Variants in DHRS7 observed in about 807,000 individuals in gnomAD.
DHRS7 encodes the protein dehydrogenase/reductase SDR family member 7.
In DHRS7, 34 loss-of-function variants were observed where a neutral mutation model predicts 38.9. The observed-to-expected ratio is 0.87, with a 90% confidence interval of 0.66 to 1.16. The LOEUF (loss-of-function observed/expected upper bound fraction) is 1.16. Among genes scored for constraint, DHRS7 ranks in the 50% most tolerant of loss-of-function variants. The pLI is 0.00. For synonymous variants in DHRS7, 158 were observed against 153.1 expected, an observed-to-expected ratio of 1.03 and a Z score of -0.24; for missense variants, 421 against 407.0, an observed-to-expected ratio of 1.03 and a Z score of -0.30.
Position 60,148,478 on chromosome 14 carries a change from T to TAATA in DHRS7, c.972+871_972+874dup, listed in dbSNP as rs1420826508. Reference sequence around the variant, plus strand: ...AGGGTCACAATTTCTCAGAAATGGTTAATAGTATTCCCTGACTAATTGCTA... The same window carrying TAATA: ...AGGGTCACAATTTCTCAGAAATGGTTAATAAATAGTATTCCCTGACTAATTGCTA... On this transcript the variant is annotated intron_variant, in intron 6 of 6. Transcript: ENST00000557185. This position sits in a 1 kb window ranked among gnomAD's most constrained non-coding sequence, Gnocchi z 4.8. Among the ~76,000 whole-genome samples the TAATA allele has an allele frequency of 1.3e-5, 2 of 152,178 alleles. No homozygotes were observed. Among genetic ancestry groups the TAATA allele is most frequent in the Non-Finnish European group, 2.9e-5 (2 of 68,020 alleles).
In DHRS7 at chr14:60,165,136, G is replaced by A. The variant is rs760881666; in HGVS notation, c.133+41C>T. On this transcript the variant is annotated intron_variant, in intron 1 of 6. Transcript: ENST00000557185. This position sits in a 1 kb window ranked among gnomAD's most constrained non-coding sequence, Gnocchi z 4.6. ...CCCGGACACGCCTCGGCAGCTCCGAGCCCGGCCTCCCACTCGGGAGAGGCT... is the reference window on the plus strand; with the variant it reads ...CCCGGACACGCCTCGGCAGCTCCGAACCCGGCCTCCCACTCGGGAGAGGCT... The A allele has an allele frequency of 1.9e-6, 3 of 1,606,212 alleles. No homozygotes were observed. Among genetic ancestry groups the A allele is most frequent in the Admixed American group, 3.4e-5 (2 of 59,472 alleles).
chr14:60,146,843 C>T lies in DHRS7; in HGVS notation c.973-1830G>A, dbSNP rs1896418467. ...GAAAAACAAGTACTATGTGATTTCA[C>T]TTCTGTGGAATCTAAAAAGTCATAC... On this transcript the variant is annotated intron_variant, in intron 6 of 6. Coordinates refer to ENST00000557185, the MANE Select transcript of DHRS7 (RefSeq NM_016029.4). This position sits in a 1 kb window ranked among gnomAD's most constrained non-coding sequence, Gnocchi z 4.9. The T allele has an allele frequency of 1.3e-5, 2 of 152,156 alleles. No individual in the cohort carries two copies. The highest frequency in any genetic ancestry group is 4.8e-5 in the African/African-American group (2 of 41,422). The allele number at this position is 152,156 out of a possible 1,614,324, so 9.4% of individuals were successfully genotyped here.
chr14:60,154,139 C>A, intron 2 of DHRS7, 74 bp from the exon 3 acceptor site: 1 of 1,145,672 alleles, frequency 8.7e-7, no homozygotes, highest in Non-Finnish European at 1.3e-6. Context: ...CCACTAACAC[C>A]CACCCTGCAA....
At chr14:60,157,249 T>C (rs1196547741) in intron 1 of DHRS7, among the ~76,000 whole-genome samples, 1 of 152,216 alleles carries the variant, frequency 6.6e-6, no homozygotes, top group South Asian at 2.1e-4. Context: ...AGGTGAGAAC[T>C]TGGTGCCTTA....
At chr14:60,168,332 A>G (rs564821931), upstream of DHRS7, among the ~76,000 whole-genome samples, 1 of 152,240 alleles carries the variant, frequency 6.6e-6, no homozygotes, top group African/African-American at 2.4e-5. Flanking sequence ...ACTTCCCTTT[A>G]TATATCTTGT....
rs1278451553 is a variant in DHRS7, at chr14:60,165,126, G to A, written c.133+51C>T. ...CCCCCGGAGACCCGGACACGCCTCGGCAGCTCCGAGCCCGGCCTCCCACTC... is the reference window on the plus strand; with the variant it reads ...CCCCCGGAGACCCGGACACGCCTCGACAGCTCCGAGCCCGGCCTCCCACTC... On this transcript the variant is annotated intron_variant, in intron 1 of 6. Transcript: ENST00000557185. This position sits in a 1 kb window ranked among gnomAD's most constrained non-coding sequence, Gnocchi z 4.6. 3.1e-6 allele frequency: 5 copies of A among 1,601,594 alleles called. No homozygotes were observed. Among genetic ancestry groups the A allele is most frequent in the Non-Finnish European group, 4.3e-6 (5 of 1,175,238 alleles).
At chr14:60,160,827 G>A (rs1896751424) in intron 1 of DHRS7, among the ~76,000 whole-genome samples, 1 of 152,158 alleles carries the variant, frequency 6.6e-6, no homozygotes. Flanking sequence ...GTGAGCTCTA[G>A]CGATTTGCCC....
intron 2 of DHRS7, 83 bp from the exon 3 acceptor site, chr14:60,154,148 A>C: frequency 9.5e-7 from 1 of 1,049,328 alleles, no homozygotes; most frequent in Non-Finnish European, 1.4e-6. Flanking sequence ...CCCACCCTGC[A>C]ACAGGACTTG....
chr14:60,153,233 GATGGAATTCCT>G lies in DHRS7; in HGVS notation c.394-66_394-56del. On this transcript the variant is annotated intron_variant, in intron 3 of 6. Coordinates refer to ENST00000557185, the MANE Select transcript of DHRS7 (RefSeq NM_016029.4). The surrounding 1 kb of genome is among the most constrained non-coding windows in gnomAD (Gnocchi z 4.4). ...TTGGGGGATGTCTTGTGGATAGATTGATGGAATTCCTATGGATGGTTGGTTATTTTGTTAAC... is the reference window on the plus strand; with the variant it reads ...TTGGGGGATGTCTTGTGGATAGATTGATGGATGGTTGGTTATTTTGTTAAC... 1 of 1,593,156 alleles carries G rather than the reference GATGGAATTCCT, an allele frequency of 6.3e-7. No individual in the cohort carries two copies.
rs1389281666 is a variant in DHRS7, at chr14:60,161,951, C to T, written c.133+3226G>A. On this transcript the variant is annotated intron_variant, in intron 1 of 6. Transcript: ENST00000557185. This position sits in a 1 kb window ranked among gnomAD's most constrained non-coding sequence, Gnocchi z 4.2. Reference sequence around the variant, plus strand: ...CTGGCAGCCACTTCACAGTTGACTCCTATTGAGGTTACTGTTAACAAAAAC... The same window carrying T: ...CTGGCAGCCACTTCACAGTTGACTCTTATTGAGGTTACTGTTAACAAAAAC... 6.6e-6 allele frequency among the ~76,000 whole-genome samples: 1 copy of T among 152,142 alleles called. No homozygotes were observed. Among genetic ancestry groups the T allele is most frequent in the African/African-American group, 2.4e-5 (1 of 41,424 alleles).
Position 60,146,052 on chromosome 14 carries a change from G to A in DHRS7, c.973-1039C>T, listed in dbSNP as rs1384613016. 2.0e-5 allele frequency: 3 copies of A among 150,426 alleles called. No homozygotes were observed. The highest frequency in any genetic ancestry group is 2.0e-4 in the Admixed American group (3 of 15,090). The allele number at this position is 150,426 out of a possible 1,614,324, so 9.3% of individuals were successfully genotyped here. On this transcript the variant is annotated intron_variant, in intron 6 of 6. Coordinates refer to ENST00000557185, the MANE Select transcript of DHRS7 (RefSeq NM_016029.4). This position sits in a 1 kb window ranked among gnomAD's most constrained non-coding sequence, Gnocchi z 4.9. ...ATATATATAAAATATAAAATAGTGG[G>A]AGAGAGGAAGAGTACAGACTATAAA...
At chr14:60,150,286 C>G in intron 4 of DHRS7, 99 bp from the exon 5 acceptor site, 1 of 1,167,460 alleles carries the variant, frequency 8.6e-7, no homozygotes, top group Admixed American at 3.2e-5. Context: ...GAGTAAAGGA[C>G]AGGTAGTGTA....
chr14:60,147,510 G>A (rs1337823016), intron 6 of DHRS7: 2 of 152,044 alleles, frequency 1.3e-5, no homozygotes, highest in Non-Finnish European at 2.9e-5. Context: ...ATTTTTATGT[G>A]TCAATTATAA....
intron 2 of DHRS7, 140 bp from the exon 3 acceptor site, chr14:60,154,205 G>A (rs1896612322): frequency 1.6e-6 from 1 of 639,794 alleles, no homozygotes. Flanking sequence ...CCTCTCGGTG[G>A]TCAGGAAGAG....
upstream of DHRS7, chr14:60,168,961 A>G: frequency 2.0e-6 from 1 of 510,634 alleles, no homozygotes; most frequent in South Asian, 3.0e-5. Flanking sequence ...GGAAGATGTG[A>G]CAGATGATAT....
At position 60,145,304 on chromosome 14, in the gene DHRS7, A is replaced by G. The variant is rs759569840; in HGVS notation, c.973-291T>C. 3.8e-5 allele frequency: 9 copies of G among 234,162 alleles called. No individual in the cohort carries two copies. Among genetic ancestry groups the G allele is most frequent in the Non-Finnish European group, 5.7e-5 (7 of 123,110 alleles). 14.5% of individuals were successfully genotyped at this position (234,162 alleles called of 1,614,324 possible). A position where few individuals can be genotyped will look rare whatever the true frequency, so the allele number is the denominator to read the frequency against. On this transcript the variant is annotated intron_variant, in intron 6 of 6. Transcript: ENST00000557185. This position sits in a 1 kb window ranked among gnomAD's most constrained non-coding sequence, Gnocchi z 4.0. The stretch of plus-strand genomic sequence containing the variant: ...AATGACTTTTCTGGATCAGCATATC[A>G]TACCTACACTGACTTGCCCTAATAA...
chr14:60,149,831 C>T (rs1043163028), intron 5 of DHRS7, among the ~76,000 whole-genome samples: 1 of 151,606 alleles, frequency 6.6e-6, no homozygotes, highest in Non-Finnish European at 1.5e-5. Flanking sequence ...ATTGCATCAC[C>T]CTAATGTGCT....
chr14:60,159,752 C>G (rs1896725972), intron 1 of DHRS7, among the ~76,000 whole-genome samples: 1 of 152,144 alleles, frequency 6.6e-6, no homozygotes, highest in South Asian at 2.1e-4. Context: ...CCACTGGCTT[C>G]TTCCTTCCTA....
At chr14:60,149,643 C>T in intron 5 of DHRS7, 75 bp from the exon 6 acceptor site, 1 of 1,205,012 alleles carries the variant, frequency 8.3e-7, no homozygotes, top group Non-Finnish European at 1.2e-6. Context: ...GACTCAAATG[C>T]CGTCTAGTTG....
Sources: allele counts gnomAD v4.1 joint callset (sites outside exome capture counted in the v4.1 genomes callset), GRCh38; gene constraint gnomAD v4.1.1; non-coding constraint Gnocchi (gnomAD v3.1); transcripts MANE v1.5; gene names NCBI Gene and HGNC (gene_info 2026-07-23, HGNC 2026-07-21).